The following TCF7 variants were observed in gnomAD, a reference collection of about 807,000 sequenced individuals.
TCF7 encodes transcription factor 7.
TCF7 carries 19 observed loss-of-function variants against 46.8 expected under a neutral mutation model. The ratio of observed to expected loss-of-function variants is 0.41; its 90% CI spans 0.28 to 0.60. The LOEUF is 0.60. Among genes scored for constraint, TCF7 ranks in the 20% least tolerant of loss-of-function variants. The pLI is 0.35. For synonymous variants in TCF7, 245 were observed against 213.4 expected, an observed-to-expected ratio of 1.15 and a Z score of -1.29; for missense variants, 547 against 504.6, an observed-to-expected ratio of 1.08 and a Z score of -0.81.
At chr5:134,119,819 C>T (rs1756331059) in intron 3 of TCF7, among the ~76,000 whole-genome samples, 3 of 152,258 alleles carry the variant, frequency 2.0e-5, no homozygotes, top group Admixed American at 2.0e-4. Flanking sequence ...GGAGCACCCA[C>T]CGGCCTCCAC....
chr5:134,132,850 C>T (rs989525054), intron 3 of TCF7, among the ~76,000 whole-genome samples: 7 of 152,142 alleles, frequency 4.6e-5, no homozygotes, highest in African/African-American at 1.7e-4. Context: ...TCCTGCTTGG[C>T]CCTGCCTGGC....
chr5:134,145,223 C>T (rs1384278298), intron 9 of TCF7: 1 of 565,568 alleles, frequency 1.8e-6, no homozygotes, highest in Admixed American at 1.9e-5. Flanking sequence ...GCCTCAAAGT[C>T]ATTATGGCCC....
intron 3 of TCF7, among the ~76,000 whole-genome samples, chr5:134,126,315 GGTGT>G (rs1169265530): frequency 6.6e-6 from 1 of 152,232 alleles, no homozygotes; most frequent in African/African-American, 2.4e-5. Flanking sequence ...CATGGGCGGG[GGTGT>G]GGGGACAGAT....
intron 3 of TCF7, among the ~76,000 whole-genome samples, chr5:134,125,589 G>A (rs1020845535): frequency 2.6e-5 from 4 of 152,246 alleles, no homozygotes; most frequent in Non-Finnish European, 4.4e-5. Flanking sequence ...AGGGTGAGGT[G>A]GTGGTCTCAG....
rs1243958595 is a variant in TCF7 at position 134,146,546 on chromosome 5, C to G, written c.*243C>G. ...GCAGGCACAGGACACCTGGCCGCCT[C>G]CAGGAGCCTACCCCCTGAAAGTGAC... On this transcript the variant is annotated 3_prime_UTR_variant, in exon 10 of 10. Coordinates refer to ENST00000342854, the MANE Select transcript of TCF7 (RefSeq NM_003202.5). 4.2e-6 allele frequency: 3 copies of G among 717,262 alleles called. No individual in the cohort carries two copies. In the African/African-American group the frequency reaches 5.3e-5, roughly 13 times the overall value. 44.4% of individuals were successfully genotyped at this position (717,262 alleles called of 1,614,324 possible). A position where few individuals can be genotyped will look rare whatever the true frequency, so the allele number is the denominator to read the frequency against.
intron 3 of TCF7, among the ~76,000 whole-genome samples, chr5:134,130,693 T>G (rs910703783): frequency 9.9e-5 from 15 of 152,226 alleles, no homozygotes; most frequent in Admixed American, 5.9e-4. Context: ...TAGGATGTCC[T>G]GAGTCCAAGT....
At position 134,131,867 on chromosome 5, in the gene TCF7, C is replaced by T. The variant is rs72794798; in HGVS notation, c.442-6192C>T. Among the ~76,000 whole-genome samples, 1,388 of 152,324 alleles carry T rather than the reference C, an allele frequency of 9.1e-3. 11 individuals carry two copies. The highest frequency in any genetic ancestry group is 0.02 in the Middle Eastern group (6 of 294). On this transcript the variant is annotated intron_variant, in intron 3 of 9. Coordinates refer to ENST00000342854, the MANE Select transcript of TCF7 (RefSeq NM_003202.5). ...CATTGCAGAGGGAAGGCACCTGGGC[C>T]GGAGGAGCAGGCTGACATGGCTGTG...
chr5:134,115,220 C>A, intron 1 of TCF7, 65 bp downstream of exon 1: 2 of 1,191,586 alleles, frequency 1.7e-6, no homozygotes, highest in Non-Finnish European at 2.1e-6. Context: ...CAGTTGCGCG[C>A]GGCCCTCGGG....
At chr5:134,130,645 C>T (rs1168345615) in intron 3 of TCF7, among the ~76,000 whole-genome samples, 3 of 152,130 alleles carry the variant, frequency 2.0e-5, no homozygotes, top group East Asian at 3.8e-4. Context: ...CAGGAGAGGA[C>T]GGGGGTAGGA....
chr5:134,147,359 G>A lies in TCF7; in HGVS notation c.*1056G>A, dbSNP rs1007061456. The A allele has an allele frequency of 6.6e-6, 1 of 152,388 alleles. No individual in the cohort carries two copies. Among genetic ancestry groups the A allele is most frequent in the Non-Finnish European group, 1.5e-5 (1 of 68,180 alleles). 9.4% of individuals were successfully genotyped at this position (152,388 alleles called of 1,614,324 possible). On this transcript the variant is annotated 3_prime_UTR_variant, in exon 10 of 10. Coordinates refer to ENST00000342854, the MANE Select transcript of TCF7 (RefSeq NM_003202.5). Reference sequence around the variant, plus strand: ...CAGTGTGCACCCCTCCCCATTCACAGAGCCTTTTTCACAATTCCATTTCCA... The same window carrying A: ...CAGTGTGCACCCCTCCCCATTCACAAAGCCTTTTTCACAATTCCATTTCCA...
chr5:134,133,268 C>T (rs1758407161), intron 3 of TCF7, among the ~76,000 whole-genome samples: 1 of 152,188 alleles, frequency 6.6e-6, no homozygotes, highest in African/African-American at 2.4e-5. Flanking sequence ...ACTTACTGTG[C>T]ACCCAGCTCT....
intron 5 of TCF7, chr5:134,140,879 C>G (rs1363955178): frequency 2.3e-6 from 1 of 437,116 alleles, no homozygotes; most frequent in Middle Eastern, 3.3e-4. Context: ...CCTGGCGCCC[C>G]CTACCCCAGG....
rs1206675207 is a variant in TCF7, at chr5:134,142,813, T to C, written c.848T>C (p.Met283Thr). 8 of 1,614,080 alleles carry C rather than the reference T, an allele frequency of 5.0e-6. No individual in the cohort carries two copies. The South Asian group carries it at 6.6e-5, about 13-fold the overall frequency. Residue 283 changes from methionine to threonine, a missense_variant, in exon 7 of 10, where the codon ATG becomes ACG. This residue lies in a region of TCF7 where 32 missense variants were observed against 65.9 expected (regional missense o/e 0.49). Transcript: ENST00000342854. ...LNAFMLYMKE[M>T]RAKVIAECTL... The stretch of plus-strand genomic sequence containing the variant: ...GCCTTCATGCTGTACATGAAGGAGA[T>C]GAGAGCCAAGGTCATTGCAGAGTGC...
intron 4 of TCF7, 141 bp from the exon 5 acceptor site, chr5:134,138,810 T>C (rs1759289999): frequency 1.5e-6 from 2 of 1,328,352 alleles, no homozygotes; most frequent in Admixed American, 5.1e-5. Flanking sequence ...GGGATCCTCC[T>C]GAATAAACTA....
chr5:134,136,415 C>T (rs1758867308), intron 3 of TCF7, among the ~76,000 whole-genome samples: 2 of 152,144 alleles, frequency 1.3e-5, no homozygotes, highest in African/African-American at 4.8e-5. Context: ...AAGGCTCCTC[C>T]CGGTGGGCAG....
Position 134,115,380 on chromosome 5 carries a change from G to A in TCF7, c.309G>A (p.Leu103=), listed in dbSNP as rs1211924939. Residue 103 remains leucine, a synonymous_variant, in exon 2 of 10, where the codon CTG becomes CTA. Transcript: ENST00000342854. ...TCCCGGACAAACTTCCAGAGCCCCT[G>A]GAGGACGGTGAGTTTCTGCCCGGCC... ...RLFPDKLPEP[L]EDGLKAPECT... 1 of 1,601,934 alleles carries A rather than the reference G, an allele frequency of 6.2e-7. No individual in the cohort carries two copies. The highest frequency in any genetic ancestry group is 1.3e-5 in the African/African-American group (1 of 74,660).
chr5:134,115,139 C>G lies in TCF7; in HGVS notation c.233C>G (p.Ala78Gly), dbSNP rs927227251. The G allele has an allele frequency of 3.9e-5, 39 of 1,012,506 alleles. No individual in the cohort carries two copies. The highest frequency in any genetic ancestry group is 4.5e-5 in the Non-Finnish European group (38 of 849,142). The allele number at this position is 1,012,506 out of a possible 1,614,324, so 62.7% of individuals were successfully genotyped here. ...IPGVPGAGAG[A>G]RGEAEALGRE... ...GGGGTCCCGGGGGCCGGCGCCGGGGCCCGCGGCGAGGCCGAGGTGAGCCCC... is the reference window on the plus strand; with the variant it reads ...GGGGTCCCGGGGGCCGGCGCCGGGGGCCGCGGCGAGGCCGAGGTGAGCCCC... Residue 78 changes from alanine (A) to glycine (G), a missense_variant, in exon 1 of 10, where the codon GCC becomes GGC. Around this residue, in one of 3 missense-constraint regions of TCF7, gnomAD observed 425 missense variants for 349.9 expected, o/e 1.21. Coordinates refer to ENST00000342854, the MANE Select transcript of TCF7 (RefSeq NM_003202.5).
At chr5:134,143,495 G>A (rs375167015) in intron 8 of TCF7, 97 bp from the exon 9 acceptor site, 82 of 1,473,588 alleles carry the variant, frequency 5.6e-5, no homozygotes, top group Middle Eastern at 1.7e-4. Context: ...GGGCCTGTAC[G>A]CCCAGAATCC....
intron 2 of TCF7, 41 bp downstream of exon 2, chr5:134,115,428 G>A (rs774883251): frequency 1.4e-5 from 22 of 1,566,526 alleles, no homozygotes; most frequent in Middle Eastern, 1.7e-4. Flanking sequence ...GTCGCGCTCA[G>A]GCCCTGGCCT....
Sources: gnomAD v4.1 joint callset for allele counts (sites outside exome capture counted in the v4.1 genomes callset) on GRCh38, gnomAD v4.1.1 for gene constraint, gnomAD v4.1.1 regional missense constraint, MANE v1.5 for transcripts, NCBI Gene and HGNC (gene_info 2026-07-23, HGNC 2026-07-21) for gene names.